The following ATP10D variants were observed in gnomAD, a reference collection of about 807,000 sequenced individuals.
The protein encoded by ATP10D is ATPase phospholipid transporting 10D (putative).
In ATP10D, 89 loss-of-function variants were observed where a neutral mutation model predicts 144.8. That is an observed-to-expected ratio of 0.61 (90% CI 0.52 to 0.73). The LOEUF (loss-of-function observed/expected upper bound fraction) is 0.73. ATP10D is among the 30% of genes least tolerant of loss of function. ATP10D has a pLI of 0.00. For synonymous variants in ATP10D, 571 were observed against 615.1 expected, an observed-to-expected ratio of 0.93 and a Z score of 1.06; for missense variants, 1,603 against 1,714.8, an observed-to-expected ratio of 0.93 and a Z score of 1.15.
intron 1 of ATP10D, among the ~76,000 whole-genome samples, chr4:47,487,074 A>G (rs1714800216): frequency 6.6e-6 from 1 of 152,078 alleles, no homozygotes; most frequent in Admixed American, 6.6e-5. Context: ...TACTAAAAAT[A>G]CAAAATTGGC....
Position 47,592,473 on chromosome 4 carries a change from C to T in ATP10D, c.*1092C>T, listed in dbSNP as rs529826644. The T allele has an allele frequency of 1.8e-4, 27 of 152,464 alleles. No individual in the cohort carries two copies. The highest frequency in any genetic ancestry group is 3.3e-4 in the Admixed American group (5 of 15,252). The allele number at this position is 152,464 out of a possible 1,614,324, so 9.4% of individuals were successfully genotyped here. ...GTCTATAGCAAGTTTACTCCTATTG[C>T]GAATCATGTATGCTGGCTTTAGTTG... On this transcript the variant is annotated 3_prime_UTR_variant, in exon 23 of 23. Coordinates refer to ENST00000273859, the MANE Select transcript of ATP10D (RefSeq NM_020453.4).
intron 19 of ATP10D, 32 bp downstream of exon 19, chr4:47,577,005 T>C: frequency 1.9e-6 from 3 of 1,590,000 alleles, no homozygotes; most frequent in Non-Finnish European, 2.6e-6. Context: ...CTTGGATGGA[T>C]GCATATCCAT....
chr4:47,522,176 T>C (rs181693335), intron 3 of ATP10D, among the ~76,000 whole-genome samples: 2 of 152,344 alleles, frequency 1.3e-5, no homozygotes, highest in African/African-American at 4.8e-5. Context: ...GACATTCTAC[T>C]ATACAAATGT....
chr4:47,577,887 A>T (rs899344206), intron 19 of ATP10D, among the ~76,000 whole-genome samples: 1 of 152,232 alleles, frequency 6.6e-6, no homozygotes, highest in Non-Finnish European at 1.5e-5. Context: ...GGTTGATGTC[A>T]GAGAAGTTTG....
rs530500620 is a variant in ATP10D, at chr4:47,507,993, T to C, written c.-37-4511T>C. 3.5e-4 allele frequency among the ~76,000 whole-genome samples: 54 copies of C among 152,274 alleles called. 1 individual carries two copies. The South Asian group carries it at 0.011, about 31-fold the overall frequency. ...TATGCTTTGCAACCTCCTTAACTCA[T>C]TGGGAGTACTAACTAAATTACATAT... On this transcript the variant is annotated intron_variant, in intron 1 of 22. Coordinates refer to ENST00000273859, the MANE Select transcript of ATP10D (RefSeq NM_020453.4).
In ATP10D at chr4:47,488,888, G is replaced by T. The variant is rs565022585; in HGVS notation, c.-38+3369G>T. 8.5e-5 allele frequency among the ~76,000 whole-genome samples: 13 copies of T among 152,316 alleles called. No homozygotes were observed. The South Asian group carries it at 2.5e-3, about 29-fold the overall frequency. The stretch of plus-strand genomic sequence containing the variant: ...AGAGCTGCCTTGCCCCTTCCACCAT[G>T]GGAGGATGCAGTGAGAAGGTGCCAC... On this transcript the variant is annotated intron_variant, in intron 1 of 22. Coordinates refer to ENST00000273859, the MANE Select transcript of ATP10D (RefSeq NM_020453.4).
chr4:47,573,893 T>C (rs941280807), intron 18 of ATP10D, among the ~76,000 whole-genome samples: 1 of 152,178 alleles, frequency 6.6e-6, no homozygotes, highest in Non-Finnish European at 1.5e-5. Context: ...CATTTTTTTT[T>C]TTCCTATAGC....
chr4:47,487,557 A>G (rs1371260631), intron 1 of ATP10D, among the ~76,000 whole-genome samples: 1 of 152,216 alleles, frequency 6.6e-6, no homozygotes, highest in Non-Finnish European at 1.5e-5. Context: ...TAGTGCTTGA[A>G]GAAAAGGAGA....
chr4:47,555,255 C>A (rs1718924053), intron 11 of ATP10D, among the ~76,000 whole-genome samples: 1 of 152,204 alleles, frequency 6.6e-6, no homozygotes. Flanking sequence ...CTATTATGAA[C>A]TGCATATGCA....
At chr4:47,586,160 C>T in intron 21 of ATP10D, among the ~76,000 whole-genome samples, 1 of 152,204 alleles carries the variant, frequency 6.6e-6, no homozygotes, top group Admixed American at 6.5e-5. Flanking sequence ...CAATGTTTGG[C>T]ATTGCCTGTC....
intron 17 of ATP10D, among the ~76,000 whole-genome samples, chr4:47,572,601 TGAGAG>T (rs1720010798): frequency 1.3e-5 from 2 of 149,328 alleles, no homozygotes; most frequent in Non-Finnish European, 3.0e-5. Context: ...GAAGAGGAAA[TGAGAG>T]GAGAAGGAAG....
intron 9 of ATP10D, among the ~76,000 whole-genome samples, chr4:47,539,078 A>G (rs1270331782): frequency 6.6e-6 from 1 of 152,178 alleles, no homozygotes; most frequent in Non-Finnish European, 1.5e-5. Flanking sequence ...CCATCTTAGA[A>G]TTCTGCCTAC....
chr4:47,537,068 A>G, intron 9 of ATP10D, 130 bp downstream of exon 9: 2 of 1,091,978 alleles, frequency 1.8e-6, no homozygotes, highest in East Asian at 2.6e-5. Context: ...ATGCTTCCAG[A>G]TGGCCTTTAA....
rs117737186 is a variant in ATP10D at position 47,505,180 on chromosome 4, G to C, written c.-37-7324G>C. On this transcript the variant is annotated intron_variant, in intron 1 of 22. Coordinates refer to ENST00000273859, the MANE Select transcript of ATP10D (RefSeq NM_020453.4). ...ACATGAGGATCTTCTTGTATCCGCTGTCAAGCCATTAGTGCATAGCTGAGG... is the reference window on the plus strand; with the variant it reads ...ACATGAGGATCTTCTTGTATCCGCTCTCAAGCCATTAGTGCATAGCTGAGG... Among the ~76,000 whole-genome samples the C allele has an allele frequency of 9.5e-3, 1,452 of 152,338 alleles. 60 individuals carry two copies. Among genetic ancestry groups the C allele is most frequent in the Admixed American group, 0.067 (1,030 of 15,302 alleles).
intron 14 of ATP10D, among the ~76,000 whole-genome samples, chr4:47,563,262 A>G (rs571085957): frequency 6.6e-6 from 1 of 152,220 alleles, no homozygotes; most frequent in Non-Finnish European, 1.5e-5. Flanking sequence ...TGGGAATATC[A>G]TAGAATTATA....
At chr4:47,572,314 C>A in intron 17 of ATP10D, 84 bp downstream of exon 17, 1 of 1,238,586 alleles carries the variant, frequency 8.1e-7, no homozygotes, top group Non-Finnish European at 1.2e-6. Context: ...TTCTCTGTGG[C>A]AGAGTGAGGC....
chr4:47,539,489 C>T (rs1162758531), intron 9 of ATP10D, among the ~76,000 whole-genome samples: 2 of 152,016 alleles, frequency 1.3e-5, no homozygotes, highest in African/African-American at 4.8e-5. Context: ...TTTTTTTTAA[C>T]ACATATGTAT....
chr4:47,497,193 T>C (rs1309040628), intron 1 of ATP10D, among the ~76,000 whole-genome samples: 1 of 151,836 alleles, frequency 6.6e-6, no homozygotes, highest in African/African-American at 2.4e-5. Flanking sequence ...TGGTGGCTCA[T>C]GCCTGTAATC....
chr4:47,586,220 T>C (rs1341234405), intron 21 of ATP10D, among the ~76,000 whole-genome samples: 1 of 152,240 alleles, frequency 6.6e-6, no homozygotes, highest in Non-Finnish European at 1.5e-5. Context: ...TGATATCTCA[T>C]TGTACTTTTC....
Sources: gnomAD v4.1 joint callset for allele counts (sites outside exome capture counted in the v4.1 genomes callset) on GRCh38, gnomAD v4.1.1 for gene constraint, MANE v1.5 for transcripts, NCBI Gene and HGNC (gene_info 2026-07-23, HGNC 2026-07-21) for gene names.